GABRG3: variants seen among roughly 807,000 people sequenced by gnomAD.
The protein encoded by GABRG3 is gamma-aminobutyric acid receptor subunit gamma-3.
Under a neutral mutation model 48.8 loss-of-function variants are expected in GABRG3, and 25 were observed. That is an observed-to-expected ratio of 0.51 (90% CI 0.37 to 0.72). The LOEUF is 0.72. Ranked by LOEUF, GABRG3 falls within the 30% of genes least tolerant of loss-of-function variation. The pLI, the probability that GABRG3 is intolerant of heterozygous loss-of-function variation, is 0.00. For missense variants in GABRG3, 394 were observed against 577.9 expected, an observed-to-expected ratio of 0.68 and a Z score of 3.26; for synonymous variants, 227 against 217.6, an observed-to-expected ratio of 1.04 and a Z score of -0.38.
chr15:27,451,512 A>G (rs1889110977), intron 5 of GABRG3, among the ~76,000 whole-genome samples: 1 of 152,184 alleles, frequency 6.6e-6, no homozygotes, highest in South Asian at 2.1e-4. Context: ...TTGGACCCTT[A>G]TCTCACACCA....
Position 27,182,722 on chromosome 15 carries a change from A to G in GABRG3, c.271-144087A>G, listed in dbSNP as rs374112689. ...GATTTGTGCTGGAGTCAAGTGCTCC[A>G]TTGGATGTGCTGTGCGCTCGCTGAA... On this transcript the variant is annotated intron_variant, in intron 3 of 9. Transcript: ENST00000615808. 2.7e-3 allele frequency among the ~76,000 whole-genome samples: 414 copies of G among 152,258 alleles called. 3 individuals are homozygous for G. Among genetic ancestry groups the G allele is most frequent in the African/African-American group, 9.7e-3 (402 of 41,550 alleles).
rs765080392 is a variant in GABRG3, at chr15:27,146,899, TAATA to T, written c.270+120083_270+120086del. 4.9e-4 allele frequency among the ~76,000 whole-genome samples: 74 copies of T among 152,032 alleles called. 2 individuals are homozygous for T. Among genetic ancestry groups the T allele is most frequent in the Non-Finnish European group, 9.1e-4 (62 of 67,950 alleles). On this transcript the variant is annotated intron_variant, in intron 3 of 9. Coordinates refer to ENST00000615808, the MANE Select transcript of GABRG3 (RefSeq NM_033223.5). ...AATAGAACAAAAAAGACATAATATA[TAATA>T]AATAGCAAAATGCAGATATAAATTC... is the stretch of plus-strand genomic sequence containing the variant.
chr15:27,527,305 AC>A, intron 7 of GABRG3, 127 bp from the exon 8 acceptor site: 1 of 678,686 alleles, frequency 1.5e-6, no homozygotes, highest in Non-Finnish European at 2.5e-6. Context: ...AAGTAACATT[AC>A]ATGAGGTATG....
At chr15:27,480,611 G>A (rs946411703) in intron 5 of GABRG3, 39 bp from the exon 6 acceptor site, 2 of 1,509,562 alleles carry the variant, frequency 1.3e-6, no homozygotes, top group Non-Finnish European at 1.8e-6. Flanking sequence ...ATTTATAAAT[G>A]TGTACCTTCA....
chr15:27,376,485 G>T (rs562809207), intron 5 of GABRG3, among the ~76,000 whole-genome samples: 21 of 152,320 alleles, frequency 1.4e-4, no homozygotes, highest in African/African-American at 4.8e-4. Flanking sequence ...AAACTTCTGC[G>T]TGGGCATCCA....
chr15:27,112,206 C>T (rs924604770), intron 3 of GABRG3, among the ~76,000 whole-genome samples: 1 of 152,112 alleles, frequency 6.6e-6, no homozygotes, highest in African/African-American at 2.4e-5. Context: ...CAGTGTCTCT[C>T]AGGATGAACC....
intron 5 of GABRG3, among the ~76,000 whole-genome samples, chr15:27,432,282 T>C (rs541079881): frequency 6.6e-6 from 1 of 152,352 alleles, no homozygotes; most frequent in African/African-American, 2.4e-5. Flanking sequence ...TGCTATTAAT[T>C]ATATAGAAAT....
intron 5 of GABRG3, among the ~76,000 whole-genome samples, chr15:27,338,158 C>G (rs1014535107): frequency 4.6e-5 from 7 of 152,094 alleles, no homozygotes; most frequent in Non-Finnish European, 8.8e-5. Flanking sequence ...TTCAGGCTGC[C>G]CTTGAGTGGG....
At chr15:27,038,771 G>A (rs921056142) in intron 3 of GABRG3, among the ~76,000 whole-genome samples, 6 of 152,224 alleles carry the variant, frequency 3.9e-5, no homozygotes, top group Middle Eastern at 3.2e-3. Flanking sequence ...GGGGGCAAGT[G>A]TGTTGGGGAG....
At chr15:27,284,661 T>C (rs1472315753) in intron 3 of GABRG3, among the ~76,000 whole-genome samples, 1 of 152,198 alleles carries the variant, frequency 6.6e-6, no homozygotes, top group Non-Finnish European at 1.5e-5. Flanking sequence ...AGAGTCCAGA[T>C]AAGCAAGATT....
intron 3 of GABRG3, among the ~76,000 whole-genome samples, chr15:27,142,899 C>T (rs1301561051): frequency 2.0e-5 from 3 of 151,848 alleles, no homozygotes; most frequent in East Asian, 1.9e-4. Context: ...GGACTACAGG[C>T]GTGAGCTACC....
intron 3 of GABRG3, among the ~76,000 whole-genome samples, chr15:27,318,268 T>C (rs903046244): frequency 1.3e-5 from 2 of 152,156 alleles, no homozygotes; most frequent in Admixed American, 6.5e-5. Flanking sequence ...GAAAGCCACG[T>C]CATTTTTTTT....
At chr15:27,387,992 AAG>A (rs1895996944) in intron 5 of GABRG3, among the ~76,000 whole-genome samples, 1 of 29,804 alleles carries the variant, frequency 3.4e-5, no homozygotes, top group African/African-American at 1.1e-4. Context: ...GAGGGAGGGT[AAG>A]GAAGGAAGGA....
intron 5 of GABRG3, among the ~76,000 whole-genome samples, chr15:27,436,878 C>T (rs1477485073): frequency 2.0e-5 from 3 of 152,064 alleles, no homozygotes; most frequent in African/African-American, 7.2e-5. Flanking sequence ...CACCTGTGGT[C>T]CCAGCTACAC....
rs1340784876 is a variant in GABRG3 at position 27,434,964 on chromosome 15, A to T, written c.575-45686A>T. Among the ~76,000 whole-genome samples, 3 of 152,158 alleles carry T rather than the reference A, an allele frequency of 2.0e-5. No homozygotes were observed. The East Asian group carries it at 5.8e-4, about 29-fold the overall frequency. On this transcript the variant is annotated intron_variant, in intron 5 of 9. Coordinates refer to ENST00000615808, the MANE Select transcript of GABRG3 (RefSeq NM_033223.5). ...TCTTTCCACTTCTCTCCAATCCAAC[A>T]GGCCAAGAAGCCCTGATACCCCAGC...
At chr15:27,485,380 A>G (rs1348935545) in intron 6 of GABRG3, among the ~76,000 whole-genome samples, 1 of 152,198 alleles carries the variant, frequency 6.6e-6, no homozygotes, top group East Asian at 1.9e-4. Flanking sequence ...AAAGCGAAGA[A>G]AACAAGGAGA....
intron 3 of GABRG3, among the ~76,000 whole-genome samples, chr15:27,165,605 C>T (rs1316416714): frequency 1.3e-5 from 2 of 151,974 alleles, no homozygotes; most frequent in African/African-American, 4.8e-5. Flanking sequence ...TTTCTGCTTG[C>T]TTTCTCTTTA....
intron 3 of GABRG3, among the ~76,000 whole-genome samples, chr15:27,233,170 C>T (rs1320052104): frequency 6.6e-6 from 1 of 152,188 alleles, no homozygotes; most frequent in East Asian, 1.9e-4. Context: ...TGGGGAAGGC[C>T]TCCTGGAGGA....
chr15:27,073,554 A>G (rs1896860775), intron 3 of GABRG3, among the ~76,000 whole-genome samples: 1 of 152,242 alleles, frequency 6.6e-6, no homozygotes, highest in South Asian at 2.1e-4. Context: ...TCTGCCTGCT[A>G]TCATATAGCT....
Sources: allele counts gnomAD v4.1 joint callset (sites outside exome capture counted in the v4.1 genomes callset), GRCh38; gene constraint gnomAD v4.1.1; transcripts MANE v1.5; gene names NCBI Gene and HGNC (gene_info 2026-07-23, HGNC 2026-07-21).